The following DGKH variants were observed in gnomAD, a reference collection of about 807,000 sequenced individuals.
The protein encoded by DGKH is DAG kinase eta.
A neutral mutation model predicts 159.3 loss-of-function variants in DGKH; 90 were observed. The ratio of observed to expected loss-of-function variants is 0.57; its 90% CI spans 0.48 to 0.67. The LOEUF (loss-of-function observed/expected upper bound fraction) is 0.67. DGKH is among the 30% of genes least tolerant of loss of function. The pLI is 0.00. For synonymous variants in DGKH, 536 were observed against 553.8 expected (o/e 0.97, Z 0.45); for missense variants, 1,181 against 1,506.1 (o/e 0.78, Z 3.57).
chr13:42,165,419 G>A lies in DGKH; in HGVS notation c.944G>A (p.Ser315Asn). The change falls in exon 8 of 30, where the codon AGC becomes AAC. Residue 315 changes from serine (S) to asparagine (N), a missense_variant. Around this residue, in one of 5 missense-constraint regions of DGKH, gnomAD observed 369 missense variants for 519.4 expected, o/e 0.71. Transcript: ENST00000337343. Reference sequence around the variant, plus strand: ...ATCATACCTCCAATTGCACTAAACAGCACCGATTCCGATGGTATGTAGCAG... The same window carrying A: ...ATCATACCTCCAATTGCACTAAACAACACCGATTCCGATGGTATGTAGCAG... Reference protein sequence around the residue: ...VSIIPPIALNSTDSDGFCRAT... With the variant: ...VSIIPPIALNNTDSDGFCRAT... The A allele has an allele frequency of 6.4e-7, 1 of 1,568,522 alleles. No individual in the cohort carries two copies. Among genetic ancestry groups the A allele is most frequent in the African/African-American group, 1.4e-5 (1 of 72,656 alleles).
chr13:42,159,914 C>G lies in DGKH; in HGVS notation c.730-97C>G, dbSNP rs17062938. The G allele has an allele frequency of 1.4e-3, 2,270 of 1,567,636 alleles. 48 individuals carry two copies. The Admixed American group carries it at 0.036, about 25-fold the overall frequency. ...TGAATGCTATGCATGAAACGTACTA[C>G]TGACCCTCTAGAGTGAGAAATGATT... is the stretch of plus-strand genomic sequence containing the variant. On this transcript the variant is annotated intron_variant, in intron 6 of 29. Transcript: ENST00000337343.
chr13:42,199,531 A>T, intron 18 of DGKH, 35 bp from the exon 19 acceptor site: 1 of 1,395,652 alleles, frequency 7.2e-7, no homozygotes. Context: ...ATGAATCTCA[A>T]ATTGACTTTG....
intron 1 of DGKH, among the ~76,000 whole-genome samples, chr13:42,116,436 G>A (rs1313255344): frequency 2.0e-5 from 3 of 152,286 alleles, no homozygotes; most frequent in East Asian, 3.9e-4. Flanking sequence ...GTCATGCTGG[G>A]ACATGACTGG....
At chr13:42,053,462 ATATAAC>A (rs1170014745) in intron 1 of DGKH, among the ~76,000 whole-genome samples, 4 of 144,708 alleles carry the variant, frequency 2.8e-5, no homozygotes, top group Non-Finnish European at 4.5e-5. Flanking sequence ...ATATAACTAT[ATATAAC>A]TATATGTATA....
At chr13:42,245,079 G>C (rs1194847576), downstream of DGKH, among the ~76,000 whole-genome samples, 2 of 152,116 alleles carry the variant, frequency 1.3e-5, no homozygotes, top group African/African-American at 2.4e-5. Flanking sequence ...GGGAAATGAA[G>C]TTGGACTTAA....
At chr13:42,117,489 G>T (rs910407071) in intron 1 of DGKH, among the ~76,000 whole-genome samples, 4 of 152,150 alleles carry the variant, frequency 2.6e-5, no homozygotes, top group Non-Finnish European at 5.9e-5. Flanking sequence ...TAACTTTCAC[G>T]TGAATAACTG....
chr13:42,152,282 A>AAT (rs1300725910), intron 3 of DGKH, among the ~76,000 whole-genome samples: 1 of 152,182 alleles, frequency 6.6e-6, no homozygotes, highest in Non-Finnish European at 1.5e-5. Context: ...ACTAAACATT[A>AAT]ATAACTATAA....
chr13:42,129,542 T>C lies in DGKH; in HGVS notation c.304-10T>C, dbSNP rs1244290489. The C allele has an allele frequency of 6.8e-6, 11 of 1,605,972 alleles. No homozygotes were observed. The highest frequency in any genetic ancestry group is 3.3e-5 in the South Asian group (3 of 89,900). Reference sequence around the variant, plus strand: ...TTCTAATGTCTTTGTATGTTTTTTTTCATTAACAGTCTCTGATATTTGATG... The same window carrying C: ...TTCTAATGTCTTTGTATGTTTTTTTCCATTAACAGTCTCTGATATTTGATG... On this transcript the variant is annotated splice_polypyrimidine_tract_variant and intron_variant, in intron 2 of 29. Coordinates refer to ENST00000337343, the MANE Select transcript of DGKH (RefSeq NM_178009.5).
At chr13:42,130,207 G>A (rs980947802) in intron 3 of DGKH, among the ~76,000 whole-genome samples, 6 of 152,158 alleles carry the variant, frequency 3.9e-5, no homozygotes, top group Non-Finnish European at 8.8e-5. Context: ...CAGCATTCTA[G>A]TATTACCAGA....
chr13:42,255,930 A>G, intron 30 of DGKH: 1 of 1,597,190 alleles, frequency 6.3e-7, no homozygotes, highest in Non-Finnish European at 8.5e-7. Flanking sequence ...ACTGCTCCAA[A>G]TAAATTTGAA....
In DGKH at chr13:42,219,783, G is replaced by A; in HGVS notation, c.3431G>A (p.Ser1144Asn). Residue 1144 changes from serine (S) to asparagine (N), a missense_variant, in exon 28 of 30, where the codon AGT becomes AAT. By Grantham distance (46) the Ser-to-Asn change is conservative. This residue lies in a region of DGKH where 335 missense variants were observed against 495.2 expected (regional missense o/e 0.68). Coordinates refer to ENST00000337343, the MANE Select transcript of DGKH (RefSeq NM_178009.5). ...GAAAAGGTTCAGAAGCAGAAGACAA[G>A]TTCACAGCCTGGTAGGTGGTCCATA... ...KKEKVQKQKT[S>N]SQPVQKWGTE... The A allele has an allele frequency of 1.2e-6, 2 of 1,613,416 alleles. No individual in the cohort carries two copies. Among genetic ancestry groups the A allele is most frequent in the Middle Eastern group, 1.7e-4 (1 of 6,056 alleles).
upstream of DGKH, among the ~76,000 whole-genome samples, chr13:42,045,474 T>G (rs931858386): frequency 6.6e-6 from 1 of 152,228 alleles, no homozygotes; most frequent in African/African-American, 2.4e-5. Context: ...TAGGTCTAGA[T>G]GATGAAAGGT....
chr13:42,155,918 A>G, intron 5 of DGKH, 119 bp downstream of exon 5: 1 of 1,171,944 alleles, frequency 8.5e-7, no homozygotes, highest in Admixed American at 2.8e-5. Context: ...CTTGGAAAAT[A>G]TTTTTGCTCA....
At chr13:42,129,152 T>G (rs1434859202) in intron 2 of DGKH, among the ~76,000 whole-genome samples, 2 of 152,192 alleles carry the variant, frequency 1.3e-5, no homozygotes, top group Non-Finnish European at 2.9e-5. Context: ...CCAGGACTGG[T>G]TCTCAGCTCT....
chr13:42,124,958 T>G (rs1291057798), intron 1 of DGKH, among the ~76,000 whole-genome samples: 1 of 152,140 alleles, frequency 6.6e-6, no homozygotes, highest in Non-Finnish European at 1.5e-5. Context: ...TTACCATTGC[T>G]TCTGTGTGGA....
In DGKH at chr13:42,168,664, T is replaced by C. The variant is rs1309087348; in HGVS notation, c.1228-15T>C. ...TCAACTTGTCTGAAAGTCACCCTGT[T>C]GCACTGTCTTTCAGTGTCAGCTGGG... On this transcript the variant is annotated splice_polypyrimidine_tract_variant and intron_variant, in intron 10 of 29. Coordinates refer to ENST00000337343, the MANE Select transcript of DGKH (RefSeq NM_178009.5). 1.2e-6 allele frequency: 2 copies of C among 1,614,062 alleles called. No individual in the cohort carries two copies. Among genetic ancestry groups the C allele is most frequent in the African/African-American group, 1.3e-5 (1 of 74,944 alleles).
At chr13:42,172,579 T>A (rs1273578558) in intron 11 of DGKH, among the ~76,000 whole-genome samples, 1 of 152,260 alleles carries the variant, frequency 6.6e-6, no homozygotes, top group Non-Finnish European at 1.5e-5. Context: ...TCCTCTGGGT[T>A]CTATCAGTAG....
intron 7 of DGKH, among the ~76,000 whole-genome samples, chr13:42,161,915 A>T (rs960619058): frequency 6.6e-6 from 1 of 152,172 alleles, no homozygotes; most frequent in Non-Finnish European, 1.5e-5. Flanking sequence ...TAGTTTTTAA[A>T]CTCTGTTAAC....
At chr13:42,102,655 G>A (rs1954673513) in intron 1 of DGKH, among the ~76,000 whole-genome samples, 1 of 152,252 alleles carries the variant, frequency 6.6e-6, no homozygotes, top group South Asian at 2.1e-4. Flanking sequence ...GCTCTGCCTG[G>A]AATAGCCCAG....
Sources: allele counts gnomAD v4.1 joint callset (sites outside exome capture counted in the v4.1 genomes callset), GRCh38; gene constraint gnomAD v4.1.1; regional missense constraint gnomAD v4.1.1; transcripts MANE v1.5; gene names NCBI Gene and HGNC (gene_info 2026-07-23, HGNC 2026-07-21).